ZNF236: variants seen among roughly 807,000 people sequenced by gnomAD.
The protein encoded by ZNF236 is zinc finger protein 236, also known as regulated by glucose.
A neutral mutation model predicts 191.2 loss-of-function variants in ZNF236; 50 were observed. The ratio of observed to expected loss-of-function variants is 0.26; its 90% CI spans 0.21 to 0.33. The LOEUF (loss-of-function observed/expected upper bound fraction) is 0.33, where lower values mean the gene tolerates loss of function less well. ZNF236 is among the 10% of genes least tolerant of loss of function. The probability of loss-of-function intolerance (pLI) is 1.00; values close to 1 mark genes in which losing one functional copy is unlikely to be tolerated. For missense variants in ZNF236, 1,754 were observed against 2,374.5 expected, an observed-to-expected ratio of 0.74 and a Z score of 5.43; for synonymous variants, 907 against 928.8, an observed-to-expected ratio of 0.98 and a Z score of 0.43.
At chr18:76,897,808 G>A (rs1262610501) in intron 10 of ZNF236, among the ~76,000 whole-genome samples, 1 of 152,216 alleles carries the variant, frequency 6.6e-6, no homozygotes, top group Non-Finnish European at 1.5e-5. Flanking sequence ...TGCTGAGAAG[G>A]GATTGAGTCA....
rs557648348 is a variant in ZNF236, at chr18:76,923,225, G to A, written c.3661+51G>A. 3.3e-5 allele frequency: 41 copies of A among 1,252,398 alleles called. 1 individual carries two copies. Among genetic ancestry groups the A allele is most frequent in the South Asian group, 2.7e-4 (22 of 82,768 alleles). 77.6% of individuals were successfully genotyped at this position (1,252,398 alleles called of 1,614,324 possible). On this transcript the variant is annotated intron_variant, in intron 21 of 30. Transcript: ENST00000320610. ...GGTAGAGGTCTTAGGATAGCATTTC[G>A]TATGTTTTGTTCCTATATATTTTGT...
chr18:76,862,199 G>A (rs1976258226), intron 3 of ZNF236, among the ~76,000 whole-genome samples: 1 of 152,122 alleles, frequency 6.6e-6, no homozygotes, highest in African/African-American at 2.4e-5. Flanking sequence ...CCTGGACACG[G>A]TTTTGAAGAA....
chr18:76,847,070 G>GGC (rs1975709139), intron 1 of ZNF236, among the ~76,000 whole-genome samples: 1 of 152,112 alleles, frequency 6.6e-6, no homozygotes, highest in African/African-American at 2.4e-5. Context: ...TGGAATTACA[G>GGC]GCATGAGCCA....
intron 1 of ZNF236, chr18:76,824,451 A>G (rs745865428): frequency 5.1e-6 from 4 of 780,892 alleles, no homozygotes; most frequent in Middle Eastern, 2.3e-4. Context: ...CAGAATTTTG[A>G]TTAATGGTTG....
chr18:76,955,439 A>T (rs1968501237), intron 27 of ZNF236, among the ~76,000 whole-genome samples: 1 of 152,208 alleles, frequency 6.6e-6, no homozygotes, highest in Non-Finnish European at 1.5e-5. Context: ...CAAAAATTTT[A>T]AAAATGATTT....
In ZNF236 at chr18:76,873,843, G is replaced by T. The variant is rs529501691; in HGVS notation, c.668-1649G>T. Among the ~76,000 whole-genome samples the T allele has an allele frequency of 2.7e-3, 384 of 139,796 alleles. 2 individuals are homozygous for T. Among genetic ancestry groups the T allele is most frequent in the African/African-American group, 0.01 (371 of 36,596 alleles). The allele number at this position is 139,796 out of a possible 152,430, so 91.7% of individuals were successfully genotyped here. ...CCTCTCCTGTCCCCACGTAGGCAGT[G>T]CTGTGACTGGGCCACGCTGTCACCG... On this transcript the variant is annotated intron_variant, in intron 5 of 30. Coordinates refer to ENST00000320610, the MANE Select transcript of ZNF236 (RefSeq NM_001306089.2).
At chr18:76,823,399 C>T (rs1352272049) in intron 1 of ZNF236, among the ~76,000 whole-genome samples, 1 of 151,126 alleles carries the variant, frequency 6.6e-6, no homozygotes, top group Non-Finnish European at 1.5e-5. Flanking sequence ...GGCTGGAACC[C>T]TGGGCATCTG....
chr18:76,912,323 A>G lies in ZNF236; in HGVS notation c.2885A>G (p.Glu962Gly). 6.2e-7 allele frequency: 1 copy of G among 1,614,188 alleles called. No homozygotes were observed. Among genetic ancestry groups the G allele is most frequent in the Non-Finnish European group, 8.5e-7 (1 of 1,180,008 alleles). Reference protein sequence around the residue: ...AQGSQFLEDNEDQSRRSYRCD... With the variant: ...AQGSQFLEDNGDQSRRSYRCD... ...GGTTCCCAGTTTCTGGAGGACAACG[A>G]GGACCAGAGCAGGCGCTCTTACAGG... The change falls in exon 17 of 31, where the codon GAG (glutamate) becomes GGG (glycine). Residue 962 changes from glutamate (E) to glycine (G), a missense_variant. Around this residue, in one of 5 missense-constraint regions of ZNF236, gnomAD observed 641 missense variants for 869.6 expected, o/e 0.74. Coordinates refer to ENST00000320610, the MANE Select transcript of ZNF236 (RefSeq NM_001306089.2).
chr18:76,860,911 G>A, intron 3 of ZNF236, among the ~76,000 whole-genome samples: 1 of 152,180 alleles, frequency 6.6e-6, no homozygotes, highest in Non-Finnish European at 1.5e-5. Flanking sequence ...AGAAAGCGGG[G>A]AAGAGTCATG....
chr18:76,951,676 T>C (rs749138406), intron 27 of ZNF236, among the ~76,000 whole-genome samples: 2 of 152,230 alleles, frequency 1.3e-5, no homozygotes, highest in Admixed American at 6.5e-5. Flanking sequence ...TGGATAACAC[T>C]TTTAATTTCC....
At chr18:76,966,532 C>T (rs1968781273) in intron 30 of ZNF236, among the ~76,000 whole-genome samples, 1 of 152,028 alleles carries the variant, frequency 6.6e-6, no homozygotes, top group Non-Finnish European at 1.5e-5. Flanking sequence ...AGTCAGAGGC[C>T]CAGAATAGCA....
At chr18:76,858,127 G>A (rs553312065) in intron 3 of ZNF236, among the ~76,000 whole-genome samples, 3 of 152,140 alleles carry the variant, frequency 2.0e-5, no homozygotes, top group Admixed American at 6.5e-5. Context: ...CATAATAATC[G>A]GGTAGTAAGT....
At chr18:76,914,007 A>G in intron 18 of ZNF236, 109 bp downstream of exon 18, 1 of 1,206,880 alleles carries the variant, frequency 8.3e-7, no homozygotes, top group South Asian at 1.5e-5. Flanking sequence ...CAATTCAGTG[A>G]TTTTTAGTAT....
chr18:76,919,692 A>C lies in ZNF236; in HGVS notation c.3275-84A>C. The C allele has an allele frequency of 6.8e-7, 1 of 1,466,074 alleles. No homozygotes were observed. Among genetic ancestry groups the C allele is most frequent in the Non-Finnish European group, 9.4e-7 (1 of 1,067,220 alleles). The allele number at this position is 1,466,074 out of a possible 1,614,324, so 90.8% of individuals were successfully genotyped here. Reference sequence around the variant, plus strand: ...TGAGTTATTAATTTTCATTACATACATACCTATTTAGTTTTAATTGTTTTG... The same window carrying C: ...TGAGTTATTAATTTTCATTACATACCTACCTATTTAGTTTTAATTGTTTTG... On this transcript the variant is annotated intron_variant, in intron 19 of 30. Transcript: ENST00000320610. The surrounding 1 kb of genome is among the most constrained non-coding windows in gnomAD (Gnocchi z 5.3).
intron 9 of ZNF236, chr18:76,888,492 C>T (rs532393286): frequency 5.9e-5 from 9 of 152,398 alleles, no homozygotes; most frequent in East Asian, 3.9e-4. Flanking sequence ...TTGTGCGTGA[C>T]GCTGAGATAT....
intron 25 of ZNF236, 141 bp from the exon 26 acceptor site, chr18:76,937,015 C>A: frequency 1.6e-6 from 1 of 639,330 alleles, no homozygotes; most frequent in Non-Finnish European, 2.7e-6. Flanking sequence ...GAATTGAAGA[C>A]CCTGTGATTT....
intron 30 of ZNF236, among the ~76,000 whole-genome samples, chr18:76,965,732 G>C (rs117432796): frequency 6.6e-6 from 1 of 152,244 alleles, no homozygotes; most frequent in Non-Finnish European, 1.5e-5. Context: ...GTCCTGTGAT[G>C]TGAACCATTC....
chr18:76,860,317 G>T (rs114782489), intron 3 of ZNF236, among the ~76,000 whole-genome samples: 1,778 of 152,314 alleles, frequency 0.012, 25 homozygotes, highest in African/African-American at 0.04. Flanking sequence ...CCCATCTACA[G>T]GGGTCACCAG....
At chr18:76,877,781 T>G (rs1223762337) in intron 6 of ZNF236, among the ~76,000 whole-genome samples, 4 of 152,218 alleles carry the variant, frequency 2.6e-5, no homozygotes, top group Non-Finnish European at 5.9e-5. Flanking sequence ...AATTTCTATT[T>G]TATAGAAAAG....
Sources: gnomAD v4.1 joint callset for allele counts (sites outside exome capture counted in the v4.1 genomes callset) on GRCh38, gnomAD v4.1.1 for gene constraint, gnomAD v4.1.1 regional missense constraint, Gnocchi (gnomAD v3.1) non-coding constraint, MANE v1.5 for transcripts, NCBI Gene and HGNC (gene_info 2026-07-23, HGNC 2026-07-21) for gene names.